Variants in KCTD8 observed in about 807,000 individuals in gnomAD.
KCTD8 encodes BTB/POZ domain-containing protein KCTD8.
KCTD8 carries 27 observed loss-of-function variants against 31.5 expected under a neutral mutation model. The ratio of observed to expected loss-of-function variants is 0.86; its 90% CI spans 0.63 to 1.18. The LOEUF is 1.18. Ranked by LOEUF, KCTD8 falls within the 50% of genes most tolerant of loss-of-function variation. KCTD8 has a pLI of 0.00. For missense variants in KCTD8, 658 were observed against 647.7 expected (o/e 1.02, Z -0.17); for synonymous variants, 290 against 280.0 (o/e 1.04, Z -0.36).
At chr4:44,293,801 A>G (rs1717347612) in intron 1 of KCTD8, 4 of 452,664 alleles carry the variant, frequency 8.8e-6, no homozygotes, top group South Asian at 4.7e-5. Context: ...GAACTTACGT[A>G]AGATTGAGCA....
intron 1 of KCTD8, among the ~76,000 whole-genome samples, chr4:44,264,133 T>G (rs899941977): frequency 6.6e-6 from 1 of 152,188 alleles, no homozygotes. Flanking sequence ...TGCTTTAAAT[T>G]GTATCAAGCA....
chr4:44,185,695 A>G (rs1357009898), intron 1 of KCTD8, among the ~76,000 whole-genome samples: 1 of 150,960 alleles, frequency 6.6e-6, no homozygotes, highest in Non-Finnish European at 1.5e-5. Flanking sequence ...TGTTGCTTTC[A>G]GCATAAAACT....
chr4:44,358,723 C>A (rs749072522), intron 1 of KCTD8, among the ~76,000 whole-genome samples: 17 of 152,270 alleles, frequency 1.1e-4, no homozygotes, highest in Non-Finnish European at 1.9e-4. Flanking sequence ...TGCCCACCAC[C>A]ACACCCGGTT....
At chr4:44,428,101 A>C (rs541505526) in intron 1 of KCTD8, among the ~76,000 whole-genome samples, 1 of 151,762 alleles carries the variant, frequency 6.6e-6, no homozygotes, top group Admixed American at 6.6e-5. Context: ...AACATGATGG[A>C]AATTAGTTTG....
intron 1 of KCTD8, among the ~76,000 whole-genome samples, chr4:44,423,061 C>T (rs190818230): frequency 6.6e-6 from 1 of 152,026 alleles, no homozygotes; most frequent in African/African-American, 2.4e-5. Context: ...GTTTACCCCC[C>T]GGGGAACATC....
intron 1 of KCTD8, among the ~76,000 whole-genome samples, chr4:44,312,061 A>C (rs750574065): frequency 2.0e-5 from 3 of 152,050 alleles, no homozygotes. Flanking sequence ...GTATCTATTC[A>C]TGATTTTTTA....
intron 1 of KCTD8, among the ~76,000 whole-genome samples, chr4:44,422,802 A>G (rs1050650903): frequency 6.6e-6 from 1 of 152,116 alleles, no homozygotes; most frequent in African/African-American, 2.4e-5. Flanking sequence ...GGAAGATTAA[A>G]TGAAGTAGCC....
chr4:44,234,794 A>C (rs770609393), intron 1 of KCTD8, among the ~76,000 whole-genome samples: 5 of 152,178 alleles, frequency 3.3e-5, no homozygotes, highest in Non-Finnish European at 7.3e-5. Flanking sequence ...TTACATTCCT[A>C]TGGGAGCCTA....
chr4:44,384,435 G>T (rs1027596245), intron 1 of KCTD8, among the ~76,000 whole-genome samples: 15 of 151,802 alleles, frequency 9.9e-5, no homozygotes, highest in African/African-American at 3.6e-4. Context: ...TAAAAATGTG[G>T]TATATACTAT....
At chr4:44,363,313 A>T (rs1263823279) in intron 1 of KCTD8, among the ~76,000 whole-genome samples, 1 of 145,676 alleles carries the variant, frequency 6.9e-6, no homozygotes, top group Non-Finnish European at 1.5e-5. Context: ...CTAAGGTTAA[A>T]GAGGGCATTA....
At chr4:44,177,113 A>T (rs1387133554) in intron 1 of KCTD8, among the ~76,000 whole-genome samples, 1 of 152,130 alleles carries the variant, frequency 6.6e-6, no homozygotes, top group Non-Finnish European at 1.5e-5. Context: ...GGTAGGGTGG[A>T]GAAAATGCAC....
At chr4:44,254,153 G>A (rs1715925959) in intron 1 of KCTD8, among the ~76,000 whole-genome samples, 1 of 151,896 alleles carries the variant, frequency 6.6e-6, no homozygotes, top group Non-Finnish European at 1.5e-5. Context: ...TCTTTTAGCT[G>A]TGTACAAGAA....
At chr4:44,243,267 A>C (rs2109357995) in intron 1 of KCTD8, among the ~76,000 whole-genome samples, 1 of 152,280 alleles carries the variant, frequency 6.6e-6, no homozygotes, top group East Asian at 1.9e-4. Context: ...GTTGTTATTA[A>C]ATTAAAACCC....
At chr4:44,384,149 A>AAC (rs2109444927) in intron 1 of KCTD8, among the ~76,000 whole-genome samples, 1 of 151,942 alleles carries the variant, frequency 6.6e-6, no homozygotes, top group African/African-American at 2.4e-5. Flanking sequence ...TATCAAAAAA[A>AAC]AACAAAAAAA....
chr4:44,182,639 C>T (rs1560388249), intron 1 of KCTD8, among the ~76,000 whole-genome samples: 1 of 152,136 alleles, frequency 6.6e-6, no homozygotes, highest in Non-Finnish European at 1.5e-5. Flanking sequence ...TAACCAGGGA[C>T]ACAAACACTG....
chr4:44,391,871 G>A (rs1720383804), intron 1 of KCTD8, among the ~76,000 whole-genome samples: 1 of 151,950 alleles, frequency 6.6e-6, no homozygotes, highest in Non-Finnish European at 1.5e-5. Context: ...TTCCATACGA[G>A]TTCAGATTTT....
chr4:44,360,340 A>G (rs1719463329), intron 1 of KCTD8, among the ~76,000 whole-genome samples: 1 of 152,072 alleles, frequency 6.6e-6, no homozygotes, highest in African/African-American at 2.4e-5. Flanking sequence ...TTTGCTTTAC[A>G]CACTTAGTAC....
chr4:44,261,285 G>A (rs914625250), intron 1 of KCTD8, among the ~76,000 whole-genome samples: 1 of 151,894 alleles, frequency 6.6e-6, no homozygotes, highest in Non-Finnish European at 1.5e-5. Flanking sequence ...ATTCCTGTGA[G>A]ATATCCAGTG....
At chr4:44,377,306 T>G (rs1051193167) in intron 1 of KCTD8, among the ~76,000 whole-genome samples, 1 of 152,186 alleles carries the variant, frequency 6.6e-6, no homozygotes, top group African/African-American at 2.4e-5. Flanking sequence ...CACTGCAGCC[T>G]GCAAAACTAA....
Sources: gnomAD v4.1 joint callset for allele counts (sites outside exome capture counted in the v4.1 genomes callset) on GRCh38, gnomAD v4.1.1 for gene constraint, MANE v1.5 for transcripts, NCBI Gene and HGNC (gene_info 2026-07-23, HGNC 2026-07-21) for gene names.